MFN2: variants seen among roughly 807,000 people sequenced by gnomAD.
The protein encoded by MFN2 is mitofusin 2.
Under a neutral mutation model 87.5 loss-of-function variants are expected in MFN2, and 43 were observed. The observed-to-expected ratio is 0.49, with a 90% CI of 0.38 to 0.63. The LOEUF (loss-of-function observed/expected upper bound fraction) is 0.63, where lower values mean the gene tolerates loss of function less well. Ranked by LOEUF, MFN2 falls within the 30% of genes least tolerant of loss-of-function variation. MFN2 has a pLI of 0.00. For missense variants in MFN2, 743 were observed against 972.8 expected (o/e 0.76, Z 3.14); for synonymous variants, 337 against 359.9 (o/e 0.94, Z 0.72).
intron 14 of MFN2, among the ~76,000 whole-genome samples, chr1:12,005,469 C>T (rs1337624428): frequency 6.6e-6 from 1 of 152,238 alleles, no homozygotes; most frequent in Non-Finnish European, 1.5e-5. Flanking sequence ...GGGCCTGCTC[C>T]TTTAAGTCCA....
At chr1:12,006,766 C>T in intron 16 of MFN2, 73 bp downstream of exon 16, 2 of 1,596,086 alleles carry the variant, frequency 1.3e-6, no homozygotes, top group Admixed American at 3.3e-5. Flanking sequence ...TAGGTTCCTG[C>T]TGTGGCCCCT....
intron 4 of MFN2, among the ~76,000 whole-genome samples, chr1:11,993,733 C>CAA (rs34578450): frequency 2.4e-5 from 3 of 123,508 alleles, no homozygotes; most frequent in Admixed American, 8.6e-5. Context: ...GACTCCATCT[C>CAA]AAAAAAAAAA....
chr1:12,008,647 C>T (rs1329862278), intron 17 of MFN2, among the ~76,000 whole-genome samples: 8 of 146,204 alleles, frequency 5.5e-5, no homozygotes, highest in Admixed American at 4.7e-4. Context: ...ACATCCCAGA[C>T]GGGGTGGTGG....
rs2273296 is a variant in MFN2, at chr1:12,006,838, C to T, written c.1872+145C>T. On this transcript the variant is annotated intron_variant, in intron 16 of 18. Transcript: ENST00000235329. The stretch of plus-strand genomic sequence containing the variant: ...CTCCTCTGTGATTGCATGGGGAGCG[C>T]TTACTCCCTCACCAAGTTTCCCTCA... The T allele has an allele frequency of 6.2e-5, 83 of 1,345,050 alleles. 1 individual carries two copies. The East Asian group carries it at 1.9e-3, about 30-fold the overall frequency. 83.3% of individuals were successfully genotyped at this position (1,345,050 alleles called of 1,614,324 possible).
At chr1:11,998,549 A>AAAAAC (rs55676620) in intron 6 of MFN2, among the ~76,000 whole-genome samples, 25 of 150,628 alleles carry the variant, frequency 1.7e-4, no homozygotes, top group African/African-American at 5.1e-4. Flanking sequence ...CTCTATATCC[A>AAAAAC]AAAACAAAAC....
At chr1:12,002,389 C>T (rs945019452) in intron 11 of MFN2, among the ~76,000 whole-genome samples, 1 of 152,266 alleles carries the variant, frequency 6.6e-6, no homozygotes, top group Non-Finnish European at 1.5e-5. Flanking sequence ...AGAGCCTGAA[C>T]ACATTTTTCA....
intron 2 of MFN2, among the ~76,000 whole-genome samples, chr1:11,986,821 C>A (rs1363135807): frequency 6.6e-6 from 1 of 151,936 alleles, no homozygotes; most frequent in East Asian, 1.9e-4. Flanking sequence ...AAGTGATCCA[C>A]CCGCCTGGGC....
At chr1:12,011,026 C>T (rs1639669834) in intron 18 of MFN2, among the ~76,000 whole-genome samples, 1 of 129,586 alleles carries the variant, frequency 7.7e-6, no homozygotes, top group South Asian at 2.4e-4. Context: ...TGCGGATGTG[C>T]CCCCCCCGCA....
chr1:12,005,053 C>T (rs971933843), intron 14 of MFN2, 126 bp downstream of exon 14: 2 of 776,398 alleles, frequency 2.6e-6, no homozygotes, highest in Non-Finnish European at 4.5e-6. Context: ...AACTCGATAC[C>T]TTCAGGTTCT....
chr1:12,006,764 T>C, intron 16 of MFN2, 71 bp downstream of exon 16: 9 of 1,601,390 alleles, frequency 5.6e-6, no homozygotes, highest in Non-Finnish European at 6.8e-6. Context: ...GCTAGGTTCC[T>C]GCTGTGGCCC....
intron 18 of MFN2, among the ~76,000 whole-genome samples, chr1:12,011,148 AC>A (rs1386045927): frequency 2.0e-5 from 3 of 152,326 alleles, no homozygotes; most frequent in Non-Finnish European, 2.9e-5. Context: ...ACACAGCTGA[AC>A]CTGGAAAGGG....
At position 12,009,867 on chromosome 1, in the gene MFN2, C is replaced by T. The variant is rs1185356042; in HGVS notation, c.2204+141C>T. The T allele has an allele frequency of 1.6e-5, 21 of 1,283,474 alleles. No individual in the cohort carries two copies. In the Admixed American group the frequency reaches 4.1e-4, roughly 25 times the overall value. The allele number at this position is 1,283,474 out of a possible 1,614,324, so 79.5% of individuals were successfully genotyped here. A position where few individuals can be genotyped will look rare whatever the true frequency, so the allele number is the denominator to read the frequency against. On this transcript the variant is annotated intron_variant, in intron 18 of 18. Coordinates refer to ENST00000235329, the MANE Select transcript of MFN2 (RefSeq NM_014874.4). The stretch of plus-strand genomic sequence containing the variant: ...TTAGCTCATTCGTGTTAGATGTGTA[C>T]CATGGGCTGGGCACGGTGGCTGACG...
intron 16 of MFN2, 48 bp downstream of exon 16, chr1:12,006,741 G>T: frequency 1.9e-6 from 3 of 1,608,836 alleles, no homozygotes; most frequent in East Asian, 2.2e-5. Flanking sequence ...GGGCAGGTGG[G>T]CGGGGCCTGA....
chr1:11,984,792 G>A (rs1372087302), intron 2 of MFN2, among the ~76,000 whole-genome samples: 7 of 152,342 alleles, frequency 4.6e-5, no homozygotes, highest in Non-Finnish European at 8.8e-5. Flanking sequence ...CTGAACACAC[G>A]GAGGTTCCTA....
Position 12,007,040 on chromosome 1 carries a change from A to G in MFN2, c.1873-13A>G, listed in dbSNP as rs780054024. 1 of 1,612,870 alleles carries G rather than the reference A, an allele frequency of 6.2e-7. No homozygotes were observed. Among genetic ancestry groups the G allele is most frequent in the Non-Finnish European group, 8.5e-7 (1 of 1,180,002 alleles). On this transcript the variant is annotated splice_polypyrimidine_tract_variant and intron_variant, in intron 16 of 18. Coordinates refer to ENST00000235329, the MANE Select transcript of MFN2 (RefSeq NM_014874.4). ...AGAGAGGCTGCACTCCAGGCTGACC[A>G]TGTGCTCTGCAGGTGTGGAAGGCAG... is the stretch of plus-strand genomic sequence containing the variant.
Position 12,005,854 on chromosome 1 carries a change from C to A in MFN2, c.1639C>A (p.Leu547Ile), listed in dbSNP as rs767236776. 6.2e-7 allele frequency: 1 copy of A among 1,614,190 alleles called. No individual in the cohort carries two copies. The highest frequency in any genetic ancestry group is 8.5e-7 in the Non-Finnish European group (1 of 1,180,034). The stretch of plus-strand genomic sequence containing the variant: ...GGAAGACATTGAGTTCCATTTCTCT[C>A]TCGGATGGACCATGCTGGTGAATAG... ...FQEDIEFHFS[L>I]GWTMLVNRFL... Residue 547 changes from leucine (L) to isoleucine (I), a missense_variant, in exon 15 of 19, where the codon CTC (leucine) becomes ATC (isoleucine). By Grantham distance (5) the Leu-to-Ile change is conservative (BLOSUM62 2). Around this residue, in one of 3 missense-constraint regions of MFN2, gnomAD observed 571 missense variants for 670.7 expected, o/e 0.85. Transcript: ENST00000235329.
intron 3 of MFN2, chr1:11,992,155 C>T (rs1284245469): frequency 4.1e-6 from 1 of 245,652 alleles, no homozygotes; most frequent in African/African-American, 2.2e-5. Flanking sequence ...ACAAGGAAGG[C>T]AGTTAACATT....
At chr1:12,001,374 C>A (rs969409139) in intron 8 of MFN2, 27 bp from the exon 9 acceptor site, 2 of 1,612,432 alleles carry the variant, frequency 1.2e-6, no homozygotes, top group Non-Finnish European at 1.7e-6. Context: ...CCTACACTCA[C>A]TCTGGACACA....
chr1:12,011,894 C>T lies in MFN2; in HGVS notation c.*329C>T, dbSNP rs1011765647. The T allele has an allele frequency of 5.7e-5, 24 of 418,734 alleles. No individual in the cohort carries two copies. The highest frequency in any genetic ancestry group is 8.0e-5 in the Non-Finnish European group (18 of 224,378). 25.9% of individuals were successfully genotyped at this position (418,734 alleles called of 1,614,324 possible). ...ATAAGGCCTCAGGATCTCAGCATTG[C>T]ACAATGCCTCATGGAAGCCTTTGAG... On this transcript the variant is annotated 3_prime_UTR_variant, in exon 19 of 19. Coordinates refer to ENST00000235329, the MANE Select transcript of MFN2 (RefSeq NM_014874.4).
Sources: allele counts gnomAD v4.1 joint callset (sites outside exome capture counted in the v4.1 genomes callset), GRCh38; gene constraint gnomAD v4.1.1; regional missense constraint gnomAD v4.1.1; transcripts MANE v1.5; gene names NCBI Gene and HGNC (gene_info 2026-07-23, HGNC 2026-07-21).